Variants in PKNOX2 observed in about 807,000 individuals in gnomAD.
PKNOX2 encodes the protein homeobox protein PKNOX2.
PKNOX2 carries 14 observed loss-of-function variants against 53.1 expected under a neutral mutation model. The observed-to-expected ratio is 0.26, with a 90% CI of 0.17 to 0.41. PKNOX2 has a LOEUF of 0.41. PKNOX2 is among the 10% of genes least tolerant of loss of function. The pLI, the probability that PKNOX2 is intolerant of heterozygous loss-of-function variation, is 1.00. For synonymous variants in PKNOX2, 257 were observed against 242.8 expected, an observed-to-expected ratio of 1.06 and a Z score of -0.54; for missense variants, 496 against 602.8, an observed-to-expected ratio of 0.82 and a Z score of 1.85.
intron 1 of PKNOX2, among the ~76,000 whole-genome samples, chr11:125,206,006 G>A (rs1316152054): frequency 1.3e-5 from 2 of 152,056 alleles, no homozygotes; most frequent in Non-Finnish European, 2.9e-5. Flanking sequence ...GAAAGAGATG[G>A]CTGTGCACCG....
chr11:125,328,177 C>T (rs1254469970), intron 2 of PKNOX2, among the ~76,000 whole-genome samples: 2 of 152,204 alleles, frequency 1.3e-5, no homozygotes, highest in Non-Finnish European at 2.9e-5. Flanking sequence ...CCCTCCCCAG[C>T]CCTGACCCTG....
intron 2 of PKNOX2, among the ~76,000 whole-genome samples, chr11:125,295,677 G>A (rs937402407): frequency 1.2e-4 from 19 of 152,176 alleles, no homozygotes; most frequent in Non-Finnish European, 2.5e-4. Flanking sequence ...AGGACAAGGA[G>A]GCCTGAGACA....
At chr11:125,251,012 C>T (rs1035443745) in intron 2 of PKNOX2, among the ~76,000 whole-genome samples, 5 of 152,236 alleles carry the variant, frequency 3.3e-5, no homozygotes, top group South Asian at 4.1e-4. Context: ...AACAGCATAA[C>T]GCTGATTGCC....
intron 4 of PKNOX2, among the ~76,000 whole-genome samples, chr11:125,364,280 G>T (rs532608786): frequency 2.5e-4 from 38 of 152,298 alleles, no homozygotes; most frequent in Middle Eastern, 6.8e-3. Flanking sequence ...AGAGTTTGCT[G>T]ACTTGGCCCC....
intron 2 of PKNOX2, among the ~76,000 whole-genome samples, chr11:125,314,831 T>C (rs1392708171): frequency 6.6e-6 from 1 of 152,068 alleles, no homozygotes; most frequent in Non-Finnish European, 1.5e-5. Flanking sequence ...GGCTGGACAC[T>C]GGATTACCCC....
At chr11:125,397,009 C>T (rs145767579) in intron 6 of PKNOX2, among the ~76,000 whole-genome samples, 3 of 152,176 alleles carry the variant, frequency 2.0e-5, no homozygotes, top group Admixed American at 6.5e-5. Flanking sequence ...GCGATTGGAT[C>T]GAAGACAGGT....
At position 125,194,249 on chromosome 11, in the gene PKNOX2, C is replaced by T. The variant is rs548596815; in HGVS notation, c.-201+29473C>T. 2.0e-5 allele frequency among the ~76,000 whole-genome samples: 3 copies of T among 152,308 alleles called. No individual in the cohort carries two copies. The East Asian group carries it at 5.8e-4, about 29-fold the overall frequency. ...CTCTGGGCTGGAGAGAGCAGTCATC[C>T]CTTGCTAAGAGCAGTTGGCATCCCC... is the stretch of plus-strand genomic sequence containing the variant. On this transcript the variant is annotated intron_variant, in intron 1 of 12. Coordinates refer to ENST00000298282, the MANE Select transcript of PKNOX2 (RefSeq NM_001382323.2).
At chr11:125,311,797 G>C (rs1318303567) in intron 2 of PKNOX2, among the ~76,000 whole-genome samples, 1 of 152,092 alleles carries the variant, frequency 6.6e-6, no homozygotes, top group Non-Finnish European at 1.5e-5. Flanking sequence ...AAACTCATCA[G>C]CACCTCCTCC....
At chr11:125,385,332 A>T (rs1953547765) in intron 5 of PKNOX2, among the ~76,000 whole-genome samples, 1 of 152,236 alleles carries the variant, frequency 6.6e-6, no homozygotes, top group Non-Finnish European at 1.5e-5. Context: ...GGGTAGGGAC[A>T]GAAGCCTCTT....
intron 4 of PKNOX2, among the ~76,000 whole-genome samples, chr11:125,357,208 C>T (rs555151268): frequency 3.3e-5 from 5 of 152,112 alleles, no homozygotes; most frequent in Non-Finnish European, 7.4e-5. Context: ...TGCACAGTGA[C>T]CTCTCTCTCT....
chr11:125,420,719 TC>T (rs1956128451), intron 10 of PKNOX2, among the ~76,000 whole-genome samples: 1 of 152,160 alleles, frequency 6.6e-6, no homozygotes, highest in South Asian at 2.1e-4. Flanking sequence ...GAACATAGTT[TC>T]AGGGCATTTG....
intron 10 of PKNOX2, among the ~76,000 whole-genome samples, chr11:125,412,158 C>T (rs1232537135): frequency 2.0e-5 from 3 of 152,204 alleles, no homozygotes; most frequent in Non-Finnish European, 4.4e-5. Flanking sequence ...GCAGGTGTGT[C>T]ACACTGTTTC....
At chr11:125,195,865 C>T (rs1301519718) in intron 1 of PKNOX2, among the ~76,000 whole-genome samples, 4 of 146,178 alleles carry the variant, frequency 2.7e-5, no homozygotes, top group African/African-American at 1.0e-4. Flanking sequence ...TGAATTCTCT[C>T]CCAAGGAATA....
At chr11:125,220,868 C>A (rs930923008) in intron 1 of PKNOX2, among the ~76,000 whole-genome samples, 13 of 152,178 alleles carry the variant, frequency 8.5e-5, no homozygotes, top group Admixed American at 6.5e-4. Flanking sequence ...GTCAGTACGT[C>A]CCAGGGAGAG....
chr11:125,286,831 G>T (rs900927661), intron 2 of PKNOX2, among the ~76,000 whole-genome samples: 16 of 152,252 alleles, frequency 1.1e-4, no homozygotes, highest in Non-Finnish European at 2.9e-5. Context: ...TTTGGCCAGA[G>T]TCTCCCAGGC....
At chr11:125,314,060 TG>T (rs1252949294) in intron 2 of PKNOX2, among the ~76,000 whole-genome samples, 5 of 152,190 alleles carry the variant, frequency 3.3e-5, no homozygotes, top group Admixed American at 6.5e-5. Flanking sequence ...GCTGAGGTCC[TG>T]GGCTGCCGTA....
chr11:125,388,101 G>A (rs549933796), intron 6 of PKNOX2, among the ~76,000 whole-genome samples: 12 of 151,938 alleles, frequency 7.9e-5, no homozygotes, highest in African/African-American at 1.9e-4. Flanking sequence ...GAGACCGTGC[G>A]GCCGGGACCA....
In PKNOX2 at chr11:125,189,421, G is replaced by GTGTGTATATATA. The variant is rs1565465048; in HGVS notation, c.-201+24650_-201+24651insATATATATGTGT. The stretch of plus-strand genomic sequence containing the variant: ...TATGTGTGTATATATATATGTGTGT[G>GTGTGTATATATA]TGTGTGTGTGTGTGTGTGTGTGTGT... On this transcript the variant is annotated intron_variant, in intron 1 of 12. Transcript: ENST00000298282. Among the ~76,000 whole-genome samples, 91 of 44,638 alleles carry GTGTGTATATATA rather than the reference G, an allele frequency of 2.0e-3. 3 individuals are homozygous for GTGTGTATATATA. Among genetic ancestry groups the GTGTGTATATATA allele is most frequent in the African/African-American group, 5.3e-3 (60 of 11,420 alleles). The allele number at this position is 44,638 out of a possible 152,430, so 29.3% of individuals were successfully genotyped here. A position where few individuals can be genotyped will look rare whatever the true frequency, so the allele number is the denominator to read the frequency against.
At chr11:125,308,106 T>A (rs1401286601) in intron 2 of PKNOX2, among the ~76,000 whole-genome samples, 2 of 152,194 alleles carry the variant, frequency 1.3e-5, no homozygotes. Flanking sequence ...TTGTGCAGTA[T>A]CAGCTGGTGT....
Sources: gnomAD v4.1 joint callset for allele counts (sites outside exome capture counted in the v4.1 genomes callset) on GRCh38, gnomAD v4.1.1 for gene constraint, MANE v1.5 for transcripts, NCBI Gene and HGNC (gene_info 2026-07-23, HGNC 2026-07-21) for gene names.